Variants in RBFOX1 observed in about 807,000 individuals in gnomAD.
RBFOX1 encodes RNA binding protein fox-1 homolog 1.
In RBFOX1, 8 loss-of-function variants were observed where a neutral mutation model predicts 57.7. The ratio of observed to expected loss-of-function variants is 0.14; its 90% CI spans 0.08 to 0.25. RBFOX1 has a LOEUF of 0.25. RBFOX1 is among the 10% of genes least tolerant of loss of function. The pLI is 1.00. For synonymous variants in RBFOX1, 326 were observed against 222.4 expected, an observed-to-expected ratio of 1.47 and a Z score of -4.15; for missense variants, 611 against 548.5, an observed-to-expected ratio of 1.11 and a Z score of -1.14.
chr16:7,291,999 T>TATA (rs370171668), intron 4 of RBFOX1, among the ~76,000 whole-genome samples: 1 of 134,372 alleles, frequency 7.4e-6, no homozygotes, highest in African/African-American at 2.8e-5. Context: ...TATGATGTAT[T>TATA]ATATGTATTA....
intron 2 of RBFOX1, among the ~76,000 whole-genome samples, chr16:6,418,945 AG>A (rs1284684522): frequency 2.6e-5 from 4 of 152,192 alleles, no homozygotes; most frequent in Admixed American, 1.3e-4. Flanking sequence ...GGGGAGCAGA[AG>A]GAAAGTGATT....
intron 3 of RBFOX1, among the ~76,000 whole-genome samples, chr16:5,650,489 A>G (rs1319125709): frequency 6.6e-6 from 1 of 152,214 alleles, no homozygotes; most frequent in East Asian, 1.9e-4. Context: ...GCTTCCTGCT[A>G]TTAAACGGGA....
intron 6 of RBFOX1, among the ~76,000 whole-genome samples, chr16:7,585,794 A>C (rs548244489): frequency 1.3e-5 from 2 of 152,298 alleles, no homozygotes; most frequent in East Asian, 3.9e-4. Flanking sequence ...CTTGAATGTT[A>C]GTAGGACCCT....
chr16:6,602,252 C>A (rs2097862036), intron 2 of RBFOX1, among the ~76,000 whole-genome samples: 1 of 152,090 alleles, frequency 6.6e-6, no homozygotes, highest in Non-Finnish European at 1.5e-5. Context: ...GGCAAATATT[C>A]TCTCCCATTC....
rs573266401 is a variant in RBFOX1 at position 6,965,838 on chromosome 16, C to G, written c.-15-86219C>G. On this transcript the variant is annotated intron_variant, in intron 3 of 15. Coordinates refer to ENST00000550418, the MANE Select transcript of RBFOX1 (RefSeq NM_018723.4). ...TAATCTGTACTGAAATAGGTGCTGT[C>G]GCATCCATGGGGATAAGGAAACTGA... Among the ~76,000 whole-genome samples, 212 of 152,032 alleles carry G rather than the reference C, an allele frequency of 1.4e-3. 1 individual carries two copies. The highest frequency in any genetic ancestry group is 4.8e-3 in the African/African-American group (201 of 41,448).
intron 1 of RBFOX1, among the ~76,000 whole-genome samples, chr16:6,231,707 A>C (rs1215069891): frequency 1.3e-5 from 2 of 152,182 alleles, no homozygotes; most frequent in Non-Finnish European, 2.9e-5. Context: ...TCTGCCCTGG[A>C]CTTGGAAGGA....
intron 4 of RBFOX1, among the ~76,000 whole-genome samples, chr16:7,338,237 G>A (rs747233118): frequency 3.2e-4 from 44 of 136,346 alleles, no homozygotes; most frequent in Admixed American, 2.1e-3. Context: ...ATCATTTACC[G>A]TTTCTATGCC....
intron 4 of RBFOX1, among the ~76,000 whole-genome samples, chr16:7,239,046 T>G (rs1179780996): frequency 6.6e-6 from 1 of 152,234 alleles, no homozygotes; most frequent in African/African-American, 2.4e-5. Flanking sequence ...CTATCATTGA[T>G]GGGCATTTAG....
chr16:6,700,935 G>C (rs1202566555), intron 3 of RBFOX1, among the ~76,000 whole-genome samples: 1 of 152,034 alleles, frequency 6.6e-6, no homozygotes, highest in Admixed American at 6.6e-5. Context: ...ACCATTGTTC[G>C]AGGTTGGGTT....
chr16:6,552,850 ATGTC>A (rs1445594033), intron 2 of RBFOX1, among the ~76,000 whole-genome samples: 3 of 152,030 alleles, frequency 2.0e-5, no homozygotes, highest in Non-Finnish European at 4.4e-5. Context: ...AATATAGAGT[ATGTC>A]TGGCAGTATA....
intron 4 of RBFOX1, among the ~76,000 whole-genome samples, chr16:5,981,030 C>G (rs1421567317): frequency 6.6e-6 from 1 of 152,202 alleles, no homozygotes; most frequent in African/African-American, 2.4e-5. Context: ...AAATGCGCAT[C>G]AGACTCCACC....
At chr16:7,062,521 C>A (rs906793060) in intron 4 of RBFOX1, among the ~76,000 whole-genome samples, 1 of 152,034 alleles carries the variant, frequency 6.6e-6, no homozygotes, top group African/African-American at 2.4e-5. Context: ...ACATTTCTGC[C>A]TATGGTAGCT....
intron 3 of RBFOX1, among the ~76,000 whole-genome samples, chr16:6,805,865 C>T (rs1010142865): frequency 6.6e-6 from 1 of 152,190 alleles, no homozygotes; most frequent in Non-Finnish European, 1.5e-5. Context: ...TCACACTTGG[C>T]TCTTTCCAAC....
At chr16:6,830,732 C>G (rs201003873) in intron 3 of RBFOX1, among the ~76,000 whole-genome samples, 19 of 152,256 alleles carry the variant, frequency 1.2e-4, no homozygotes, top group African/African-American at 4.1e-4. Flanking sequence ...AAATATGGTT[C>G]TCTACTCTTT....
chr16:5,992,480 T>C (rs2060417395), intron 4 of RBFOX1, among the ~76,000 whole-genome samples: 1 of 152,188 alleles, frequency 6.6e-6, no homozygotes. Context: ...TCCCCCAACT[T>C]AGATCTTGCA....
At chr16:5,837,014 C>T (rs528332155) in intron 3 of RBFOX1, among the ~76,000 whole-genome samples, 1 of 152,262 alleles carries the variant, frequency 6.6e-6, no homozygotes, top group Admixed American at 6.5e-5. Context: ...AGAGCCCTTG[C>T]GTGGTCCCTG....
rs1555705865 is a variant in RBFOX1 at position 6,977,947 on chromosome 16, A to AAATAATAAAT, written c.-15-74108_-15-74107insTAATAAATAA. Among the ~76,000 whole-genome samples the AAATAATAAAT allele has an allele frequency of 1.2e-4, 17 of 146,066 alleles. No individual in the cohort carries two copies. In the South Asian group the frequency reaches 1.7e-3, roughly 15 times the overall value. ...TCCAGCCTCCCCAGGGAAAAAAAAA[A>AAATAATAAAT]AAAAGGCAAACCTCCTTTCCCAATG... On this transcript the variant is annotated intron_variant, in intron 3 of 15. Coordinates refer to ENST00000550418, the MANE Select transcript of RBFOX1 (RefSeq NM_018723.4).
intron 10 of RBFOX1, among the ~76,000 whole-genome samples, chr16:7,621,077 G>T (rs1282481019): frequency 6.6e-6 from 1 of 152,038 alleles, no homozygotes; most frequent in Non-Finnish European, 1.5e-5. Context: ...TCTGCATTTA[G>T]AAGAGTCCCA....
At chr16:7,000,927 C>T (rs1029942522) in intron 3 of RBFOX1, among the ~76,000 whole-genome samples, 21 of 152,116 alleles carry the variant, frequency 1.4e-4, no homozygotes, top group African/African-American at 4.8e-4. Flanking sequence ...TTCTTGTTTA[C>T]TTCCATTAGG....
Sources: allele counts gnomAD v4.1 joint callset (sites outside exome capture counted in the v4.1 genomes callset), GRCh38; gene constraint gnomAD v4.1.1; transcripts MANE v1.5; gene names NCBI Gene and HGNC (gene_info 2026-07-23, HGNC 2026-07-21).